Variants in HDAC9 observed in about 807,000 individuals in gnomAD.
The protein encoded by HDAC9 is MEF-2 interacting transcription repressor (MITR) protein.
In HDAC9, 41 loss-of-function variants were observed where a neutral mutation model predicts 139.4. The ratio of observed to expected loss-of-function variants is 0.29; its 90% CI spans 0.23 to 0.38. The LOEUF (loss-of-function observed/expected upper bound fraction) is 0.38, where lower values mean the gene tolerates loss of function less well. Among genes scored for constraint, HDAC9 ranks in the 10% least tolerant of loss-of-function variants. The pLI is 1.00. For synonymous variants in HDAC9, 517 were observed against 476.2 expected, an observed-to-expected ratio of 1.09 and a Z score of -1.12; for missense variants, 1,147 against 1,297.0, an observed-to-expected ratio of 0.88 and a Z score of 1.78.
intron 21 of HDAC9, among the ~76,000 whole-genome samples, chr7:18,849,420 T>C (rs531327643): frequency 6.6e-6 from 1 of 152,290 alleles, no homozygotes; most frequent in East Asian, 1.9e-4. Flanking sequence ...TAGGGTAAAG[T>C]TACTGCCATT....
At chr7:18,577,631 C>G (rs1411460085) in intron 2 of HDAC9, among the ~76,000 whole-genome samples, 2 of 152,138 alleles carry the variant, frequency 1.3e-5, no homozygotes, top group Non-Finnish European at 1.5e-5. Flanking sequence ...CCACATTATA[C>G]TTTTTATTTT....
chr7:18,249,502 C>CAAAAAAAAAAA (rs3058733), intron 2 of HDAC9, among the ~76,000 whole-genome samples: 20 of 58,520 alleles, frequency 3.4e-4, no homozygotes, highest in East Asian at 1.1e-3. Context: ...GACTCTGTCT[C>CAAAAAAAAAAA]AAAAAAAAAA....
chr7:18,617,880 A>G (rs1839097456), intron 6 of HDAC9, among the ~76,000 whole-genome samples: 1 of 152,222 alleles, frequency 6.6e-6, no homozygotes, highest in African/African-American at 2.4e-5. Flanking sequence ...ATAATTTTTA[A>G]GAATTTAATT....
chr7:18,492,033 A>C (rs1314747850), upstream of HDAC9, among the ~76,000 whole-genome samples: 1 of 151,984 alleles, frequency 6.6e-6, no homozygotes, highest in Non-Finnish European at 1.5e-5. Flanking sequence ...TTAATTTCCA[A>C]GTAAAGACTG....
intron 1 of HDAC9, among the ~76,000 whole-genome samples, chr7:18,339,020 A>T (rs750366679): frequency 1.3e-5 from 2 of 151,486 alleles, no homozygotes; most frequent in Non-Finnish European, 3.0e-5. Context: ...TGTCCATTTC[A>T]TGTAAGTTTT....
intron 1 of HDAC9, among the ~76,000 whole-genome samples, chr7:18,437,910 C>T (rs1256436227): frequency 6.6e-6 from 1 of 151,266 alleles, no homozygotes; most frequent in East Asian, 1.9e-4. Flanking sequence ...TACACACATG[C>T]ACCACACACA....
chr7:18,581,677 A>G (rs1188592270), intron 2 of HDAC9, among the ~76,000 whole-genome samples: 1 of 152,160 alleles, frequency 6.6e-6, no homozygotes, highest in African/African-American at 2.4e-5. Flanking sequence ...TTTTTAATGT[A>G]AAAATGAAAT....
chr7:18,109,854 C>T (rs1189540925), intron 1 of HDAC9, among the ~76,000 whole-genome samples: 2 of 152,050 alleles, frequency 1.3e-5, no homozygotes, highest in East Asian at 3.9e-4. Context: ...TGTGATTCTC[C>T]CTCTAGGCAT....
At chr7:18,883,778 T>C (rs1799914269) in intron 22 of HDAC9, among the ~76,000 whole-genome samples, 2 of 152,056 alleles carry the variant, frequency 1.3e-5, no homozygotes, top group South Asian at 4.1e-4. Flanking sequence ...TGATTTTATA[T>C]ATTGAAAATC....
intron 6 of HDAC9, among the ~76,000 whole-genome samples, chr7:18,610,476 G>A (rs975318604): frequency 1.3e-5 from 2 of 152,020 alleles, no homozygotes; most frequent in African/African-American, 4.8e-5. Flanking sequence ...CTCTTTCCCC[G>A]GTCATTCTGA....
chr7:18,421,978 G>A (rs563772921), intron 1 of HDAC9, among the ~76,000 whole-genome samples: 1 of 152,284 alleles, frequency 6.6e-6, no homozygotes, highest in African/African-American at 2.4e-5. Flanking sequence ...CTGCCATTGT[G>A]TGTCTGTTGG....
chr7:18,691,624 C>T (rs1311669810), intron 12 of HDAC9, among the ~76,000 whole-genome samples: 1 of 151,988 alleles, frequency 6.6e-6, no homozygotes, highest in South Asian at 2.1e-4. Flanking sequence ...ACCAAAATTC[C>T]TTTCAGTTAT....
rs796478009 is a variant in HDAC9, at chr7:18,374,199, G to GTGTA, written c.-42+83685_-42+83686insGTAT. Among the ~76,000 whole-genome samples, 3 of 143,132 alleles carry GTGTA rather than the reference G, an allele frequency of 2.1e-5. No homozygotes were observed. The East Asian group carries it at 6.1e-4, about 29-fold the overall frequency. 93.9% of individuals were successfully genotyped at this position (143,132 alleles called of 152,430 possible). Reference sequence around the variant, plus strand: ...ATAAATCTAGTGTGTATGTATGTGTGTATATATATATATATATATACACAC... The same window carrying GTGTA: ...ATAAATCTAGTGTGTATGTATGTGTGTGTATATATATATATATATATATACACAC... On this transcript the variant is annotated intron_variant, in intron 1 of 3. Transcript: ENST00000413509.
At chr7:18,302,491 A>T (rs1030520974) in intron 1 of HDAC9, among the ~76,000 whole-genome samples, 1 of 152,228 alleles carries the variant, frequency 6.6e-6, no homozygotes, top group Admixed American at 6.5e-5. Flanking sequence ...GCATATTATT[A>T]GCTACCTCAG....
chr7:18,528,059 G>A (rs1807522528), intron 2 of HDAC9, among the ~76,000 whole-genome samples: 1 of 152,018 alleles, frequency 6.6e-6, no homozygotes, highest in Admixed American at 6.6e-5. Flanking sequence ...GGGAGGGCGA[G>A]GCAGTAGGAT....
intron 1 of HDAC9, chr7:18,127,268 A>G (rs970935225): frequency 5.9e-6 from 1 of 170,214 alleles, no homozygotes; most frequent in Non-Finnish European, 1.5e-5. Context: ...TTGTTGTCCT[A>G]AATATTGTGT....
At chr7:18,888,614 T>G (rs1423515883) in intron 22 of HDAC9, among the ~76,000 whole-genome samples, 1 of 152,210 alleles carries the variant, frequency 6.6e-6, no homozygotes, top group African/African-American at 2.4e-5. Flanking sequence ...TCCCCAGATC[T>G]TAGTATCAGC....
At chr7:18,775,687 T>G (rs1036216915) in intron 16 of HDAC9, among the ~76,000 whole-genome samples, 2 of 147,910 alleles carry the variant, frequency 1.4e-5, no homozygotes, top group Non-Finnish European at 2.9e-5. Context: ...ATGTTGTGTT[T>G]TTTTTTTTCC....
chr7:18,675,972 AG>A (rs1281510501), intron 12 of HDAC9, among the ~76,000 whole-genome samples: 2 of 152,038 alleles, frequency 1.3e-5, no homozygotes, highest in East Asian at 3.9e-4. Context: ...AAACAACTCT[AG>A]GTGTGAATGA....
Sources: gnomAD v4.1 joint callset for allele counts (sites outside exome capture counted in the v4.1 genomes callset) on GRCh38, gnomAD v4.1.1 for gene constraint, MANE v1.5 for transcripts, NCBI Gene and HGNC (gene_info 2026-07-23, HGNC 2026-07-21) for gene names.